FGF10: variants seen among roughly 807,000 people sequenced by gnomAD.
FGF10 encodes the protein fibroblast growth factor 10.
A neutral mutation model predicts 19.8 loss-of-function variants in FGF10; 2 were observed. The observed-to-expected ratio is 0.10, with a 90% CI of 0.04 to 0.32. FGF10 has a LOEUF of 0.32. Among genes scored for constraint, FGF10 ranks in the 10% least tolerant of loss-of-function variants. The pLI is 1.00. For synonymous variants in FGF10, 112 were observed against 94.0 expected, an observed-to-expected ratio of 1.19 and a Z score of -1.10; for missense variants, 191 against 246.3, an observed-to-expected ratio of 0.78 and a Z score of 1.50.
chr5:44,338,404 G>T (rs1389887717), intron 1 of FGF10, among the ~76,000 whole-genome samples: 1 of 152,174 alleles, frequency 6.6e-6, no homozygotes, highest in Non-Finnish European at 1.5e-5. Flanking sequence ...GATACCAAAA[G>T]AAATTATGAA....
At chr5:44,329,158 T>C (rs1032565505) in intron 1 of FGF10, among the ~76,000 whole-genome samples, 1 of 152,218 alleles carries the variant, frequency 6.6e-6, no homozygotes, top group Non-Finnish European at 1.5e-5. Flanking sequence ...CTTTTGGTTT[T>C]ACCAAGTACA....
At chr5:44,321,919 T>C (rs1217641061) in intron 1 of FGF10, among the ~76,000 whole-genome samples, 3 of 152,084 alleles carry the variant, frequency 2.0e-5, no homozygotes, top group African/African-American at 7.2e-5. Flanking sequence ...CCCATCACCA[T>C]GCCCGGCTAA....
At chr5:44,385,660 A>C (rs980503675) in intron 1 of FGF10, among the ~76,000 whole-genome samples, 1 of 152,166 alleles carries the variant, frequency 6.6e-6, no homozygotes, top group Non-Finnish European at 1.5e-5. Flanking sequence ...AAAGGAATTG[A>C]CACTCTTCAG....
intron 1 of FGF10, among the ~76,000 whole-genome samples, chr5:44,357,376 G>T (rs1032633844): frequency 3.3e-5 from 5 of 151,248 alleles, no homozygotes; most frequent in African/African-American, 1.2e-4. Flanking sequence ...TTTCTTATTA[G>T]TTTATAGATA....
intron 1 of FGF10, among the ~76,000 whole-genome samples, chr5:44,357,103 T>TTCCTAA (rs1169174858): frequency 8.8e-6 from 1 of 113,358 alleles, no homozygotes; most frequent in Non-Finnish European, 1.9e-5. Context: ...TACCTCCAAT[T>TTCCTAA]TCCTAAGATT....
intron 1 of FGF10, among the ~76,000 whole-genome samples, chr5:44,362,743 C>T (rs1741521133): frequency 6.6e-6 from 1 of 151,490 alleles, no homozygotes; most frequent in Admixed American, 6.6e-5. Context: ...CCTATATATC[C>T]TTTACCCTCT....
At chr5:44,318,822 T>G (rs1465545135) in intron 1 of FGF10, among the ~76,000 whole-genome samples, 2 of 152,198 alleles carry the variant, frequency 1.3e-5, no homozygotes, top group Admixed American at 1.3e-4. Flanking sequence ...TTGAGATATC[T>G]TCTATGTTCA....
chr5:44,360,271 C>T (rs957253203), intron 1 of FGF10, among the ~76,000 whole-genome samples: 6 of 151,590 alleles, frequency 4.0e-5, no homozygotes, highest in Non-Finnish European at 7.4e-5. Context: ...TTAAAATATA[C>T]TCCATCAAGA....
chr5:44,379,911 A>G (rs969417710), intron 1 of FGF10, among the ~76,000 whole-genome samples: 3 of 152,144 alleles, frequency 2.0e-5, no homozygotes, highest in Admixed American at 6.5e-5. Context: ...AAAAAATTTC[A>G]TTATGTGATC....
At chr5:44,323,179 A>G (rs1740537301) in intron 1 of FGF10, among the ~76,000 whole-genome samples, 1 of 152,108 alleles carries the variant, frequency 6.6e-6, no homozygotes, top group African/African-American at 2.4e-5. Flanking sequence ...TTTTGCCACA[A>G]CTCACACTTG....
intron 1 of FGF10, among the ~76,000 whole-genome samples, chr5:44,353,112 T>C (rs1019840487): frequency 6.6e-6 from 1 of 151,634 alleles, no homozygotes; most frequent in Non-Finnish European, 1.5e-5. Context: ...ATGATGATTA[T>C]GAATGAGATT....
chr5:44,323,751 A>T (rs1740549876), intron 1 of FGF10, among the ~76,000 whole-genome samples: 1 of 152,166 alleles, frequency 6.6e-6, no homozygotes, highest in Non-Finnish European at 1.5e-5. Context: ...AGAAAAGACC[A>T]GAAATTATCC....
At chr5:44,311,490 A>C (rs925218462) in intron 1 of FGF10, among the ~76,000 whole-genome samples, 5 of 152,072 alleles carry the variant, frequency 3.3e-5, no homozygotes, top group African/African-American at 1.2e-4. Context: ...CTGGCTCTAC[A>C]TTTATTAGTG....
rs937260989 is a variant in FGF10 at position 44,311,588 on chromosome 5, T to G, written c.326-1058A>C. ...CATAATAGTACCTCCCTCATAATTT[T>G]GTTGTGAATATTAAATGAGATAGTA... On this transcript the variant is annotated intron_variant, in intron 1 of 2. Coordinates refer to ENST00000264664, the MANE Select transcript of FGF10 (RefSeq NM_004465.2). Among the ~76,000 whole-genome samples the G allele has an allele frequency of 4.6e-5, 7 of 152,088 alleles. No individual in the cohort carries two copies. In the East Asian group the frequency reaches 1.4e-3, roughly 29 times the overall value.
intron 1 of FGF10, among the ~76,000 whole-genome samples, chr5:44,311,443 A>C (rs1484762240): frequency 2.6e-5 from 4 of 152,106 alleles, no homozygotes; most frequent in Admixed American, 6.6e-5. Context: ...CGTGATTAGC[A>C]TGTGGCCTCT....
intron 1 of FGF10, among the ~76,000 whole-genome samples, chr5:44,370,226 G>T (rs1447735070): frequency 6.6e-6 from 1 of 152,080 alleles, no homozygotes; most frequent in East Asian, 1.9e-4. Context: ...TCATTAGAAA[G>T]AATCTTCTTA....
chr5:44,340,660 A>G (rs558180107), intron 1 of FGF10, among the ~76,000 whole-genome samples: 10 of 152,120 alleles, frequency 6.6e-5, no homozygotes, highest in African/African-American at 1.4e-4. Flanking sequence ...GTTACTTAAC[A>G]TGAAATTCTG....
intron 1 of FGF10, among the ~76,000 whole-genome samples, chr5:44,383,080 G>T (rs1742018202): frequency 6.6e-6 from 1 of 152,084 alleles, no homozygotes; most frequent in Non-Finnish European, 1.5e-5. Flanking sequence ...GCTTAGGAAA[G>T]ATGTAGTTAT....
At position 44,304,970 on chromosome 5, in the gene FGF10, CTGCATCCACAAACG is replaced by C; in HGVS notation, c.*11_*24del. On this transcript the variant is annotated 3_prime_UTR_variant, in exon 3 of 3. Transcript: ENST00000264664. Reference sequence around the variant, plus strand: ...CTTGGCAAAAGAGCCATTGGTTCTACTGCATCCACAAACGTTGCCTTCCTCTATGAGTGTACCAC... The same window carrying C: ...CTTGGCAAAAGAGCCATTGGTTCTACTTGCCTTCCTCTATGAGTGTACCAC... 6.2e-7 allele frequency: 1 copy of C among 1,607,482 alleles called. No individual in the cohort carries two copies.
Sources: allele counts gnomAD v4.1 joint callset (sites outside exome capture counted in the v4.1 genomes callset), GRCh38; gene constraint gnomAD v4.1.1; transcripts MANE v1.5; gene names NCBI Gene and HGNC (gene_info 2026-07-23, HGNC 2026-07-21).